LRBA: variants seen among roughly 807,000 people sequenced by gnomAD.
The protein encoded by LRBA is lipopolysaccharide-responsive and beige-like anchor protein.
LRBA carries 176 observed loss-of-function variants against 330.0 expected under a neutral mutation model. The observed-to-expected ratio is 0.53, with a 90% CI of 0.47 to 0.60. The LOEUF (loss-of-function observed/expected upper bound fraction) is 0.60, where lower values mean the gene tolerates loss of function less well. LRBA is among the 20% of genes least tolerant of loss of function. LRBA has a pLI of 0.00. For missense variants in LRBA, 3,259 were observed against 3,444.8 expected (o/e 0.95, Z 1.35); for synonymous variants, 1,230 against 1,193.0 (o/e 1.03, Z -0.64).
At chr4:150,763,768 T>C (rs887166035) in intron 34 of LRBA, among the ~76,000 whole-genome samples, 12 of 151,240 alleles carry the variant, frequency 7.9e-5, no homozygotes, top group African/African-American at 2.9e-4. Context: ...ACAAGAACAG[T>C]AGAACAGGAA....
At chr4:150,324,613 A>G (rs948784802) in intron 49 of LRBA, among the ~76,000 whole-genome samples, 2 of 152,106 alleles carry the variant, frequency 1.3e-5, no homozygotes, top group Non-Finnish European at 2.9e-5. Context: ...AAGGAAAAAA[A>G]AAAAGGAAAA....
chr4:150,670,988 A>G (rs1430134300), intron 37 of LRBA, among the ~76,000 whole-genome samples: 1 of 145,094 alleles, frequency 6.9e-6, no homozygotes, highest in Non-Finnish European at 1.5e-5. Context: ...ACTTTGTCCC[A>G]CAACATAGCT....
intron 40 of LRBA, among the ~76,000 whole-genome samples, chr4:150,508,735 G>C (rs1761471735): frequency 1.3e-5 from 2 of 152,204 alleles, no homozygotes; most frequent in South Asian, 4.2e-4. Flanking sequence ...CAAAAACTGA[G>C]AGAACTGAAA....
intron 37 of LRBA, among the ~76,000 whole-genome samples, chr4:150,653,546 T>C (rs575447790): frequency 2.0e-5 from 3 of 152,274 alleles, no homozygotes; most frequent in Admixed American, 6.5e-5. Context: ...GCCAATTATT[T>C]TCACTGGCAA....
chr4:150,981,145 G>A (rs1011989311), intron 2 of LRBA, among the ~76,000 whole-genome samples: 16 of 151,698 alleles, frequency 1.1e-4, no homozygotes, highest in Non-Finnish European at 2.1e-4. Context: ...TCGGCGCAGT[G>A]GCTCACGCCT....
At chr4:150,879,443 T>G (rs574226295) in intron 17 of LRBA, among the ~76,000 whole-genome samples, 1 of 152,230 alleles carries the variant, frequency 6.6e-6, no homozygotes, top group East Asian at 1.9e-4. Flanking sequence ...AAGCATTCCT[T>G]TGAGAACTGG....
intron 13 of LRBA, among the ~76,000 whole-genome samples, chr4:150,902,280 A>T (rs773660732): frequency 2.0e-5 from 3 of 152,214 alleles, no homozygotes; most frequent in Non-Finnish European, 4.4e-5. Context: ...TTCAAGCTAG[A>T]AAAATGATGG....
In LRBA at chr4:150,452,515, G is replaced by A. The variant is rs187037035; in HGVS notation, c.6780+15158C>T. ...TGTGCACCTATAGTGTCAGCTACTCGGGAGGCTGAGGCAGGAGAATCGCTT... is the reference window on the plus strand; with the variant it reads ...TGTGCACCTATAGTGTCAGCTACTCAGGAGGCTGAGGCAGGAGAATCGCTT... On this transcript the variant is annotated intron_variant, in intron 44 of 56. Transcript: ENST00000651943. Among the ~76,000 whole-genome samples the A allele has an allele frequency of 1.5e-3, 221 of 151,950 alleles. 1 individual carries two copies. Among genetic ancestry groups the A allele is most frequent in the African/African-American group, 5.0e-3 (208 of 41,460 alleles).
chr4:150,454,734 C>G (rs893561696), intron 44 of LRBA, among the ~76,000 whole-genome samples: 2 of 151,998 alleles, frequency 1.3e-5, no homozygotes, highest in Admixed American at 1.3e-4. Context: ...CCTTCCCCCT[C>G]AGCCTTCTCC....
intron 40 of LRBA, among the ~76,000 whole-genome samples, chr4:150,508,411 T>G: frequency 6.6e-6 from 1 of 151,850 alleles, no homozygotes; most frequent in Admixed American, 6.6e-5. Context: ...GCCTCCTGAG[T>G]AGCTGGGACT....
intron 13 of LRBA, among the ~76,000 whole-genome samples, chr4:150,903,516 A>G (rs1730987785): frequency 6.6e-6 from 1 of 152,120 alleles, no homozygotes; most frequent in Non-Finnish European, 1.5e-5. Context: ...AGGCAGGTAG[A>G]TCACTTGAGC....
intron 47 of LRBA, among the ~76,000 whole-genome samples, chr4:150,408,338 A>G (rs1746488745): frequency 6.6e-6 from 1 of 152,136 alleles, no homozygotes; most frequent in African/African-American, 2.4e-5. Flanking sequence ...GATTCAAGAA[A>G]AAATTTAAAA....
chr4:150,424,774 C>T (rs1049081061), intron 46 of LRBA, among the ~76,000 whole-genome samples: 5 of 152,246 alleles, frequency 3.3e-5, no homozygotes, highest in Non-Finnish European at 5.9e-5. Context: ...AAACACCACA[C>T]AGAAAGTGGC....
At chr4:150,910,968 G>A (rs930350189) in intron 9 of LRBA, among the ~76,000 whole-genome samples, 11 of 152,084 alleles carry the variant, frequency 7.2e-5, no homozygotes, top group African/African-American at 9.7e-5. Context: ...AATTGTTTGC[G>A]TAATTTTCAA....
At chr4:150,325,997 G>C (rs372560073) in intron 48 of LRBA, 99 bp from the exon 49 acceptor site, 2 of 728,130 alleles carry the variant, frequency 2.7e-6, no homozygotes, top group East Asian at 5.4e-5. Flanking sequence ...ACTCTGGCTT[G>C]TTTCATGCTG....
intron 53 of LRBA, among the ~76,000 whole-genome samples, chr4:150,296,804 G>T (rs543480057): frequency 6.6e-6 from 1 of 152,142 alleles, no homozygotes; most frequent in Non-Finnish European, 1.5e-5. Flanking sequence ...CGAAATGAGC[G>T]TTTTTGGAAG....
At chr4:150,671,275 A>G (rs760948479) in intron 37 of LRBA, among the ~76,000 whole-genome samples, 6 of 152,110 alleles carry the variant, frequency 3.9e-5, no homozygotes, top group Non-Finnish European at 4.4e-5. Context: ...AACAGTTATT[A>G]AGCATTTACA....
intron 31 of LRBA, among the ~76,000 whole-genome samples, chr4:150,814,142 T>C (rs1240923441): frequency 6.6e-6 from 1 of 152,120 alleles, no homozygotes; most frequent in Non-Finnish European, 1.5e-5. Flanking sequence ...TTTCACACCA[T>C]TATAAAGTCA....
intron 40 of LRBA, among the ~76,000 whole-genome samples, chr4:150,503,704 C>A (rs1028870621): frequency 6.6e-6 from 1 of 152,164 alleles, no homozygotes; most frequent in Non-Finnish European, 1.5e-5. Context: ...TCCATAGGAA[C>A]GCAGCTCCTC....
Sources: gnomAD v4.1 joint callset for allele counts (sites outside exome capture counted in the v4.1 genomes callset) on GRCh38, gnomAD v4.1.1 for gene constraint, MANE v1.5 for transcripts, NCBI Gene and HGNC (gene_info 2026-07-23, HGNC 2026-07-21) for gene names.